KLHL1: variants seen among roughly 807,000 people sequenced by gnomAD.
KLHL1 encodes the protein kelch-like protein 1.
KLHL1 carries 47 observed loss-of-function variants against 77.7 expected under a neutral mutation model. The observed-to-expected ratio is 0.60, with a 90% confidence interval of 0.48 to 0.77. The LOEUF is 0.77. KLHL1 is among the 30% of genes least tolerant of loss of function. The pLI, the probability that KLHL1 is intolerant of heterozygous loss-of-function variation, is 0.00. For synonymous variants in KLHL1, 360 were observed against 325.2 expected, an observed-to-expected ratio of 1.11 and a Z score of -1.15; for missense variants, 925 against 910.8, an observed-to-expected ratio of 1.02 and a Z score of -0.20.
At chr13:70,077,907 T>C (rs1385815946) in intron 1 of KLHL1, among the ~76,000 whole-genome samples, 2 of 152,036 alleles carry the variant, frequency 1.3e-5, no homozygotes, top group Admixed American at 1.3e-4. Context: ...ATTTACCTTG[T>C]TAGGTTTTGT....
In KLHL1 at chr13:70,027,727, C is replaced by A. The variant is rs1885991536; in HGVS notation, c.498-51925G>T. Among the ~76,000 whole-genome samples, 3 of 143,502 alleles carry A rather than the reference C, an allele frequency of 2.1e-5. No individual in the cohort carries two copies. In the South Asian group the frequency reaches 6.6e-4, roughly 32 times the overall value. The allele number at this position is 143,502 out of a possible 152,430, so 94.1% of individuals were successfully genotyped here. A position where few individuals can be genotyped will look rare whatever the true frequency, so the allele number is the denominator to read the frequency against. On this transcript the variant is annotated intron_variant, in intron 1 of 10. Transcript: ENST00000377844. ...GAGCATAACCTCTTTATGCAGCTTGCATCCCGTGAGTGAGAAACAAATGTT... is the reference window on the plus strand; with the variant it reads ...GAGCATAACCTCTTTATGCAGCTTGAATCCCGTGAGTGAGAAACAAATGTT...
intron 1 of KLHL1, among the ~76,000 whole-genome samples, chr13:70,026,062 G>A (rs1451160023): frequency 6.6e-6 from 1 of 152,036 alleles, no homozygotes; most frequent in African/African-American, 2.4e-5. Flanking sequence ...GAAGTTAAAG[G>A]CAAAGAGGAT....
chr13:70,046,540 T>C (rs979291195), intron 1 of KLHL1, among the ~76,000 whole-genome samples: 1 of 152,200 alleles, frequency 6.6e-6, no homozygotes, highest in East Asian at 1.9e-4. Context: ...CAGGCTGGAG[T>C]GCAATGGCAC....
chr13:70,094,070 T>C (rs533084661), intron 1 of KLHL1, among the ~76,000 whole-genome samples: 31 of 152,276 alleles, frequency 2.0e-4, no homozygotes, highest in African/African-American at 7.5e-4. Flanking sequence ...CCAGTAGTTC[T>C]TTTTAACACA....
rs775583442 is a variant in KLHL1 at position 69,975,707 on chromosome 13, G to T, written c.593C>A (p.Thr198Asn). 24 of 1,613,402 alleles carry T rather than the reference G, an allele frequency of 1.5e-5. No individual in the cohort carries two copies. The highest frequency in any genetic ancestry group is 2.2e-5 in the East Asian group (1 of 44,826). Reference protein sequence around the residue: ...FYQAVHHAEQTFRKMESYLKQ... With the variant: ...FYQAVHHAEQNFRKMESYLKQ... ...CAAATAACTTTCCATCTTTCTGAAG[G>T]TTTGCTCAGCATGATGAACAGCTTG... Residue 198 changes from threonine (T) to asparagine (N), a missense_variant, in exon 2 of 11, where the codon ACC becomes AAC. Transcript: ENST00000377844.
At chr13:70,024,804 T>C (rs1409965785) in intron 1 of KLHL1, among the ~76,000 whole-genome samples, 2 of 151,818 alleles carry the variant, frequency 1.3e-5, no homozygotes, top group Non-Finnish European at 2.9e-5. Context: ...CTCAAGAAAG[T>C]TGAGGAGCTG....
At chr13:69,995,102 C>G (rs912010161) in intron 1 of KLHL1, among the ~76,000 whole-genome samples, 2 of 152,072 alleles carry the variant, frequency 1.3e-5, no homozygotes, top group African/African-American at 4.8e-5. Flanking sequence ...TGTAATATAG[C>G]AGCATTCATT....
rs115684851 is a variant in KLHL1, at chr13:69,741,614, T to G, written c.1640-1058A>C. Among the ~76,000 whole-genome samples, 770 of 152,286 alleles carry G rather than the reference T, an allele frequency of 5.1e-3. 10 individuals carry two copies. Among genetic ancestry groups the G allele is most frequent in the African/African-American group, 0.018 (740 of 41,572 alleles). ...TCCAAAGAAGGTAATCAAAGTGACCTTACTGTTTCCCTTCTCTTGATCAAA... is the reference window on the plus strand; with the variant it reads ...TCCAAAGAAGGTAATCAAAGTGACCGTACTGTTTCCCTTCTCTTGATCAAA... On this transcript the variant is annotated intron_variant, in intron 7 of 10. Coordinates refer to ENST00000377844, the MANE Select transcript of KLHL1 (RefSeq NM_020866.3).
intron 7 of KLHL1, among the ~76,000 whole-genome samples, chr13:69,752,127 G>T (rs1050341234): frequency 1.3e-5 from 2 of 152,070 alleles, no homozygotes; most frequent in African/African-American, 4.8e-5. Context: ...TTAGAAAAGT[G>T]CTTGGCACAT....
chr13:70,034,189 A>G (rs1048822920), intron 1 of KLHL1, among the ~76,000 whole-genome samples: 2 of 152,220 alleles, frequency 1.3e-5, no homozygotes, highest in African/African-American at 2.4e-5. Context: ...GTTGTCTATT[A>G]ATCTACATTT....
chr13:69,940,909 T>C (rs533619078), intron 3 of KLHL1, among the ~76,000 whole-genome samples: 3 of 152,026 alleles, frequency 2.0e-5, no homozygotes, highest in South Asian at 2.1e-4. Context: ...AGAACTTATC[T>C]TTGAAGTTTT....
intron 1 of KLHL1, among the ~76,000 whole-genome samples, chr13:70,059,185 A>C (rs1357693284): frequency 6.7e-6 from 1 of 150,362 alleles, no homozygotes; most frequent in Non-Finnish European, 1.5e-5. Context: ...CTGAGATGGA[A>C]TCTCACTCTG....
At chr13:69,893,908 A>G (rs934973398) in intron 4 of KLHL1, among the ~76,000 whole-genome samples, 1 of 152,212 alleles carries the variant, frequency 6.6e-6, no homozygotes, top group Non-Finnish European at 1.5e-5. Context: ...AGTGACCAAC[A>G]GACAAAGGCC....
chr13:70,075,182 A>G (rs111433673), intron 1 of KLHL1, among the ~76,000 whole-genome samples: 17,437 of 151,930 alleles, frequency 0.11, 1,101 homozygotes, highest in Middle Eastern at 0.14. Context: ...GAAGAGATGT[A>G]TGGATTTGGG....
intron 4 of KLHL1, among the ~76,000 whole-genome samples, chr13:69,902,354 TAAC>T (rs1347032404): frequency 2.0e-5 from 3 of 151,958 alleles, no homozygotes; most frequent in Non-Finnish European, 4.4e-5. Context: ...AGAGGTTAAT[TAAC>T]AAAATATAGA....
intron 6 of KLHL1, among the ~76,000 whole-genome samples, chr13:69,824,061 G>C (rs1878449504): frequency 6.6e-6 from 1 of 151,908 alleles, no homozygotes; most frequent in Non-Finnish European, 1.5e-5. Flanking sequence ...ACCACATTAA[G>C]TGCTGCATGT....
intron 6 of KLHL1, among the ~76,000 whole-genome samples, chr13:69,812,344 A>C (rs1251855325): frequency 1.3e-5 from 2 of 152,182 alleles, no homozygotes; most frequent in East Asian, 3.8e-4. Flanking sequence ...TAAAGACTTA[A>C]ATGTTAGACC....
chr13:70,058,512 A>G (rs1302871948), intron 1 of KLHL1, among the ~76,000 whole-genome samples: 2 of 152,192 alleles, frequency 1.3e-5, no homozygotes, highest in Non-Finnish European at 2.9e-5. Context: ...AATAAACTTA[A>G]CCAAAGAAGT....
chr13:69,943,882 C>T (rs192301716), intron 3 of KLHL1, among the ~76,000 whole-genome samples: 25 of 152,280 alleles, frequency 1.6e-4, no homozygotes, highest in East Asian at 7.7e-4. Context: ...GAAAATCAGA[C>T]GGAAGACCTA....
Sources: gnomAD v4.1 joint callset for allele counts (sites outside exome capture counted in the v4.1 genomes callset) on GRCh38, gnomAD v4.1.1 for gene constraint, MANE v1.5 for transcripts, NCBI Gene and HGNC (gene_info 2026-07-23, HGNC 2026-07-21) for gene names.